Variants in RIMBP2 observed in about 807,000 individuals in gnomAD.
RIMBP2 encodes the protein RIMS binding protein 2.
A neutral mutation model predicts 118.6 loss-of-function variants in RIMBP2; 48 were observed. The observed-to-expected ratio is 0.40, with a 90% CI of 0.32 to 0.51. The LOEUF (loss-of-function observed/expected upper bound fraction) is 0.51. RIMBP2 is among the 20% of genes least tolerant of loss of function. The pLI is 0.41. For missense variants in RIMBP2, 1,551 were observed against 1,768.3 expected (o/e 0.88, Z 2.20); for synonymous variants, 762 against 742.9 (o/e 1.03, Z -0.42).
chr12:130,449,178 G>A (rs2078786295), intron 9 of RIMBP2, among the ~76,000 whole-genome samples: 1 of 152,218 alleles, frequency 6.6e-6, no homozygotes, highest in Admixed American at 6.5e-5. Context: ...GAGACAAAAG[G>A]CTGGGTCTTC....
chr12:130,605,655 A>G (rs1260455613), intron 2 of RIMBP2, among the ~76,000 whole-genome samples: 1 of 152,166 alleles, frequency 6.6e-6, no homozygotes, highest in East Asian at 1.9e-4. Flanking sequence ...ATGATGATAG[A>G]CAGGCAGACA....
chr12:130,476,445 T>C (rs2081435178), intron 5 of RIMBP2, among the ~76,000 whole-genome samples: 1 of 152,164 alleles, frequency 6.6e-6, no homozygotes, highest in East Asian at 1.9e-4. Context: ...AATCCGTGCC[T>C]CATGGTGCAG....
In RIMBP2 at chr12:130,446,588, C is replaced by T. The variant is rs548634312; in HGVS notation, c.582-1319G>A. ...GCAGGTCAGCCTAGAGGGCTGTGCA[C>T]CAGGAACTGACATGGGCCACCCTCT... On this transcript the variant is annotated intron_variant, in intron 9 of 22. Transcript: ENST00000690449. This position sits in a 1 kb window ranked among gnomAD's most constrained non-coding sequence, Gnocchi z 4.1. Among the ~76,000 whole-genome samples the T allele has an allele frequency of 1.3e-5, 2 of 148,936 alleles. No individual in the cohort carries two copies. Among genetic ancestry groups the T allele is most frequent in the South Asian group, 4.2e-4 (2 of 4,816 alleles).
chr12:130,558,545 C>T (rs12581128), intron 2 of RIMBP2, among the ~76,000 whole-genome samples: 11,402 of 152,128 alleles, frequency 0.075, 602 homozygotes, highest in South Asian at 0.16. Flanking sequence ...CAGCTCAGTC[C>T]GACTCCAGGG....
intron 14 of RIMBP2, chr12:130,429,462 G>A (rs751774859): frequency 5.3e-5 from 8 of 152,146 alleles, no homozygotes; most frequent in East Asian, 1.9e-4. Flanking sequence ...ACGTGGTAAC[G>A]GTATTCAAAG....
At chr12:130,546,116 T>TG (rs1399268164) in intron 2 of RIMBP2, among the ~76,000 whole-genome samples, 34 of 148,750 alleles carry the variant, frequency 2.3e-4, no homozygotes, top group African/African-American at 6.3e-4. Context: ...TTTTTTTTTT[T>TG]TGGGATGGAG....
chr12:130,638,403 A>C (rs2062446549), intron 1 of RIMBP2, among the ~76,000 whole-genome samples: 1 of 152,264 alleles, frequency 6.6e-6, no homozygotes, highest in Non-Finnish European at 1.5e-5. Context: ...ATATGATTCC[A>C]ACTCTATCGG....
At chr12:130,510,857 T>C (rs973871390) in intron 3 of RIMBP2, among the ~76,000 whole-genome samples, 39 of 152,278 alleles carry the variant, frequency 2.6e-4, no homozygotes, top group African/African-American at 8.9e-4. Context: ...GTCATCTTTT[T>C]GTTTACCAGA....
chr12:130,650,390 T>C (rs1215306642), intron 1 of RIMBP2, among the ~76,000 whole-genome samples: 1 of 152,270 alleles, frequency 6.6e-6, no homozygotes, highest in Non-Finnish European at 1.5e-5. Flanking sequence ...ATGTGTGCTC[T>C]TCCTACTCCA....
intron 6 of RIMBP2, among the ~76,000 whole-genome samples, chr12:130,460,406 C>T (rs1259578981): frequency 3.3e-5 from 5 of 152,154 alleles, no homozygotes; most frequent in East Asian, 1.9e-4. Context: ...ATTTTCATCA[C>T]CTGCAGTAGT....
At chr12:130,610,491 G>A (rs1420406706) in intron 2 of RIMBP2, among the ~76,000 whole-genome samples, 2 of 148,726 alleles carry the variant, frequency 1.3e-5, no homozygotes, top group East Asian at 4.0e-4. Context: ...TAAGTAATGT[G>A]TCCTAGCAAT....
chr12:130,522,923 A>C (rs974314960), intron 2 of RIMBP2, among the ~76,000 whole-genome samples: 1 of 152,144 alleles, frequency 6.6e-6, no homozygotes, highest in Non-Finnish European at 1.5e-5. Context: ...GCTTTCTAAG[A>C]GGAGGACGAT....
At chr12:130,682,642 C>T (rs966605383) in intron 1 of RIMBP2, among the ~76,000 whole-genome samples, 2 of 152,242 alleles carry the variant, frequency 1.3e-5, no homozygotes, top group Non-Finnish European at 2.9e-5. Flanking sequence ...ATATCAGACA[C>T]GGAGTGCGTG....
chr12:130,619,887 A>G (rs2061192754), intron 2 of RIMBP2, among the ~76,000 whole-genome samples: 1 of 152,174 alleles, frequency 6.6e-6, no homozygotes, highest in Non-Finnish European at 1.5e-5. Context: ...ACGTAAAGGG[A>G]CAGTAACTGT....
rs1565984578 is a variant in RIMBP2, at chr12:130,406,258, CAT to C, written c.3694-17_3694-16del. 6.4e-7 allele frequency: 1 copy of C among 1,564,832 alleles called. No homozygotes were observed. Reference sequence around the variant, plus strand: ...GTAAGTTCGGCCTGTGGAGATGAAACATAAAATTAATCGTATTTTTCTACACA... The same window carrying C: ...GTAAGTTCGGCCTGTGGAGATGAAACAAAATTAATCGTATTTTTCTACACA... On this transcript the variant is annotated splice_polypyrimidine_tract_variant and intron_variant, in intron 20 of 22. Transcript: ENST00000690449.
chr12:130,683,726 C>T lies in RIMBP2; in HGVS notation c.-352+32496G>A, dbSNP rs2136578603. Among the ~76,000 whole-genome samples the T allele has an allele frequency of 6.6e-6, 1 of 152,292 alleles. No homozygotes were observed. Among genetic ancestry groups the T allele is most frequent in the East Asian group, 1.9e-4 (1 of 5,186 alleles). On this transcript the variant is annotated intron_variant, in intron 1 of 22. Transcript: ENST00000690449. This position sits in a 1 kb window ranked among gnomAD's most constrained non-coding sequence, Gnocchi z 4.4. Reference sequence around the variant, plus strand: ...ATCCTCATTGCTACACTCCCACCAGCACTACGACAATTTACAAACGCCATG... The same window carrying T: ...ATCCTCATTGCTACACTCCCACCAGTACTACGACAATTTACAAACGCCATG...
chr12:130,606,193 G>T (rs11061025), intron 2 of RIMBP2, among the ~76,000 whole-genome samples: 18,812 of 152,162 alleles, frequency 0.12, 1,490 homozygotes, highest in Non-Finnish European at 0.19. Flanking sequence ...AATAAAAAAA[G>T]ATTGGCCCTG....
intron 1 of RIMBP2, among the ~76,000 whole-genome samples, chr12:130,644,799 C>T (rs540183380): frequency 5.9e-5 from 9 of 152,230 alleles, no homozygotes; most frequent in Non-Finnish European, 1.3e-4. Context: ...GGCCTGAGAA[C>T]GTGGCACAGA....
At chr12:130,462,554 T>C (rs1349184902) in intron 6 of RIMBP2, among the ~76,000 whole-genome samples, 5 of 152,186 alleles carry the variant, frequency 3.3e-5, no homozygotes, top group Non-Finnish European at 7.3e-5. Flanking sequence ...GCCTCACCTT[T>C]GAACGAGCAG....
Sources: allele counts gnomAD v4.1 joint callset (sites outside exome capture counted in the v4.1 genomes callset), GRCh38; gene constraint gnomAD v4.1.1; non-coding constraint Gnocchi (gnomAD v3.1); transcripts MANE v1.5; gene names NCBI Gene and HGNC (gene_info 2026-07-23, HGNC 2026-07-21).